The following BICD1 variants were observed in gnomAD, a reference collection of about 807,000 sequenced individuals.
BICD1 encodes the protein protein bicaudal D homolog 1.
In BICD1, 35 loss-of-function variants were observed where a neutral mutation model predicts 92.5. The ratio of observed to expected loss-of-function variants is 0.38; its 90% CI spans 0.29 to 0.50. BICD1 has a LOEUF of 0.50. Among genes scored for constraint, BICD1 ranks in the 20% least tolerant of loss-of-function variants. The pLI is 0.93. For missense variants in BICD1, 950 were observed against 1,189.8 expected, an observed-to-expected ratio of 0.80 and a Z score of 2.97; for synonymous variants, 429 against 465.1, an observed-to-expected ratio of 0.92 and a Z score of 1.00.
chr12:32,269,481 A>G (rs938789343), intron 2 of BICD1, among the ~76,000 whole-genome samples: 1 of 152,244 alleles, frequency 6.6e-6, no homozygotes, highest in Non-Finnish European at 1.5e-5. Flanking sequence ...GCAAAAAAGC[A>G]TTTTTACTAG....
At chr12:32,322,522 A>C (rs776419847) in intron 4 of BICD1, among the ~76,000 whole-genome samples, 26 of 152,162 alleles carry the variant, frequency 1.7e-4, no homozygotes, top group Non-Finnish European at 3.5e-4. Context: ...CAGGAGGCAG[A>C]GCTCAGGCGG....
chr12:32,344,401 C>T (rs1327794880), intron 8 of BICD1, among the ~76,000 whole-genome samples: 2 of 107,268 alleles, frequency 1.9e-5, no homozygotes, highest in Non-Finnish European at 3.9e-5. Flanking sequence ...TTAGTGAGAG[C>T]AGACTTACCA....
intron 4 of BICD1, among the ~76,000 whole-genome samples, chr12:32,308,632 C>G (rs892243626): frequency 1.3e-5 from 2 of 152,130 alleles, no homozygotes; most frequent in East Asian, 3.9e-4. Context: ...GCCAATCACC[C>G]CAAAAGGGAC....
chr12:32,284,515 G>A (rs1054514327), intron 2 of BICD1, among the ~76,000 whole-genome samples: 5 of 152,040 alleles, frequency 3.3e-5, no homozygotes, highest in East Asian at 1.9e-4. Flanking sequence ...GATGTTCCCC[G>A]ATCTGTCCCC....
At chr12:32,194,256 T>G (rs1450863410) in intron 1 of BICD1, among the ~76,000 whole-genome samples, 1 of 152,204 alleles carries the variant, frequency 6.6e-6, no homozygotes, top group Non-Finnish European at 1.5e-5. Context: ...TACTCAATGG[T>G]GAAAAGCTAA....
intron 1 of BICD1, among the ~76,000 whole-genome samples, chr12:32,124,202 A>ATCTT: frequency 6.6e-6 from 1 of 152,322 alleles, no homozygotes; most frequent in East Asian, 1.9e-4. Flanking sequence ...TATTTATTAA[A>ATCTT]TCTTTAGAGA....
intron 2 of BICD1, among the ~76,000 whole-genome samples, chr12:32,231,736 C>T (rs188468871): frequency 2.9e-5 from 4 of 139,122 alleles, no homozygotes; most frequent in East Asian, 4.2e-4. Context: ...CTATCCTTCC[C>T]CCCTCCCCCC....
At chr12:32,107,890 G>A in intron 1 of BICD1, 1 of 591,866 alleles carries the variant, frequency 1.7e-6, no homozygotes. Flanking sequence ...CTCAAACCCA[G>A]GTTTCAGCGA....
chr12:32,312,926 G>A (rs1456065510), intron 4 of BICD1, among the ~76,000 whole-genome samples: 1 of 152,116 alleles, frequency 6.6e-6, no homozygotes, highest in Non-Finnish European at 1.5e-5. Flanking sequence ...ACATTTTCCA[G>A]TGGCAGTCAA....
chr12:32,141,602 T>C (rs7136965), intron 1 of BICD1, among the ~76,000 whole-genome samples: 3,765 of 152,022 alleles, frequency 0.025, 158 homozygotes, highest in African/African-American at 0.086. Context: ...GCCTCCCGAG[T>C]AGCTCGGAGT....
chr12:32,366,673 A>T (rs894872513), intron 8 of BICD1, among the ~76,000 whole-genome samples: 4 of 152,222 alleles, frequency 2.6e-5, no homozygotes, highest in African/African-American at 9.6e-5. Context: ...AAACACATAT[A>T]AGGAAAGGGA....
chr12:32,116,432 C>G (rs1941892525), intron 1 of BICD1, among the ~76,000 whole-genome samples: 1 of 151,348 alleles, frequency 6.6e-6, no homozygotes, highest in Non-Finnish European at 1.5e-5. Context: ...TGTACTATGT[C>G]TCTGTCTCTG....
At chr12:32,189,235 T>C (rs868074098) in intron 1 of BICD1, among the ~76,000 whole-genome samples, 2 of 152,186 alleles carry the variant, frequency 1.3e-5, no homozygotes, top group South Asian at 2.1e-4. Flanking sequence ...CCCTGAGAAA[T>C]AGTTCCATGA....
intron 2 of BICD1, among the ~76,000 whole-genome samples, chr12:32,243,022 G>A (rs1946276398): frequency 6.6e-6 from 1 of 152,090 alleles, no homozygotes; most frequent in South Asian, 2.1e-4. Context: ...ACCTGGTGCA[G>A]AGTTAGGGCT....
At position 32,313,146 on chromosome 12, in the gene BICD1, A is replaced by G. The variant is rs565452088; in HGVS notation, c.1005+7024A>G. Among the ~76,000 whole-genome samples, 2 of 152,150 alleles carry G rather than the reference A, an allele frequency of 1.3e-5. No individual in the cohort carries two copies. The highest frequency in any genetic ancestry group is 4.1e-4 in the South Asian group (2 of 4,830). ...TTTTTCAGTATTATGCTGGGTATAT[A>G]ATTTCACATGTAGTATGAGAAAACA... On this transcript the variant is annotated intron_variant, in intron 4 of 9. Transcript: ENST00000652176. This position sits in a 1 kb window ranked among gnomAD's most constrained non-coding sequence, Gnocchi z 4.2.
chr12:32,142,421 AAAAAAAAAAAC>A (rs1296803392), intron 1 of BICD1, among the ~76,000 whole-genome samples: 14 of 69,010 alleles, frequency 2.0e-4, no homozygotes, highest in African/African-American at 6.7e-4. Flanking sequence ...AAAAAAAAAA[AAAAAAAAAAAC>A]AAAAAACCCC....
chr12:32,238,515 G>A lies in BICD1; in HGVS notation c.426+22056G>A, dbSNP rs566932487. 1.3e-4 allele frequency among the ~76,000 whole-genome samples: 20 copies of A among 152,306 alleles called. No homozygotes were observed. The Middle Eastern group carries it at 0.01, about 78-fold the overall frequency. ...AAACTTAGCTGATAAAGCAGGGGCA[G>A]GCTTTGAGAGGATCGACTGCAATTT... On this transcript the variant is annotated intron_variant, in intron 2 of 9. Coordinates refer to ENST00000652176, the MANE Select transcript of BICD1 (RefSeq NM_001714.4).
intron 9 of BICD1, among the ~76,000 whole-genome samples, chr12:32,375,848 C>T (rs1045772922): frequency 2.6e-5 from 4 of 152,032 alleles, no homozygotes; most frequent in Non-Finnish European, 2.9e-5. Context: ...TTAATGACTC[C>T]ATTACATTTT....
chr12:32,310,014 C>G (rs1948332690), intron 4 of BICD1, among the ~76,000 whole-genome samples: 1 of 152,164 alleles, frequency 6.6e-6, no homozygotes, highest in South Asian at 2.1e-4. Context: ...CCTTGTGCCT[C>G]TAATCCAACA....
Sources: allele counts gnomAD v4.1 joint callset (sites outside exome capture counted in the v4.1 genomes callset), GRCh38; gene constraint gnomAD v4.1.1; non-coding constraint Gnocchi (gnomAD v3.1); transcripts MANE v1.5; gene names NCBI Gene and HGNC (gene_info 2026-07-23, HGNC 2026-07-21).